DGUOK: variants seen among roughly 807,000 people sequenced by gnomAD.
DGUOK encodes deoxyguanosine kinase.
Under a neutral mutation model 36.6 loss-of-function variants are expected in DGUOK, and 30 were observed. That is an observed-to-expected ratio of 0.82 (90% CI 0.61 to 1.11). The LOEUF is 1.11. Among genes scored for constraint, DGUOK ranks in the 50% most tolerant of loss-of-function variants. DGUOK has a pLI of 0.00. For synonymous variants in DGUOK, 145 were observed against 126.3 expected (o/e 1.15, Z -0.99); for missense variants, 361 against 336.4 (o/e 1.07, Z -0.57).
chr2:73,952,225 C>A (rs935141706), intron 4 of DGUOK, among the ~76,000 whole-genome samples: 15 of 152,214 alleles, frequency 9.9e-5, no homozygotes, highest in African/African-American at 3.6e-4. Context: ...TAATAATCTT[C>A]CATGGAAAGA....
rs1335999511 is a variant in DGUOK at position 73,958,227 on chromosome 2, A to G, written c.789A>G (p.Gln263=). 2 of 1,613,606 alleles carry G rather than the reference A, an allele frequency of 1.2e-6. No individual in the cohort carries two copies. Among genetic ancestry groups the G allele is most frequent in the South Asian group, 2.2e-5 (2 of 91,046 alleles). The change falls in exon 6 of 7, where the codon CAA becomes CAG. Residue 263 remains glutamine (Q), a synonymous_variant. Transcript: ENST00000264093. Reference sequence around the variant, plus strand: ...ATTTTTCTGAGGAAGTAACCAAACAAGAAGACCTCATGAGAGAGGTGGGAA... The same window carrying G: ...ATTTTTCTGAGGAAGTAACCAAACAGGAAGACCTCATGAGAGAGGTGGGAA... ...NDDFSEEVTK[Q]EDLMREVNTF...
At chr2:73,957,796 T>C (rs908308068) in intron 5 of DGUOK, among the ~76,000 whole-genome samples, 7 of 152,238 alleles carry the variant, frequency 4.6e-5, no homozygotes, top group Admixed American at 2.0e-4. Context: ...ATGGTGATAG[T>C]TGGCTCAGCA....
intron 4 of DGUOK, among the ~76,000 whole-genome samples, chr2:73,953,287 A>ATCG (rs1230774139): frequency 3.2e-5 from 3 of 94,852 alleles, no homozygotes; most frequent in Non-Finnish European, 7.1e-5. Flanking sequence ...GATCATCATC[A>ATCG]TCATCGTCGT....
intron 1 of DGUOK, among the ~76,000 whole-genome samples, chr2:73,927,844 A>G (rs182552700): frequency 1.2e-4 from 19 of 152,378 alleles, no homozygotes; most frequent in South Asian, 1.0e-3. Flanking sequence ...CTGAGCCCCT[A>G]AAAGGGGCTT....
At chr2:73,958,289 T>C (rs370641355) in intron 6 of DGUOK, 44 bp downstream of exon 6, 36 of 1,491,644 alleles carry the variant, frequency 2.4e-5, no homozygotes, top group Non-Finnish European at 3.2e-5. Context: ...TTTCCTTTGT[T>C]GTACTTTTAT....
chr2:73,936,194 C>T (rs1014549259), intron 1 of DGUOK, among the ~76,000 whole-genome samples: 5 of 152,176 alleles, frequency 3.3e-5, no homozygotes, highest in Non-Finnish European at 5.9e-5. Flanking sequence ...ATATTTTAAG[C>T]GAGGGCTTAC....
chr2:73,940,193 G>A (rs932459275), intron 2 of DGUOK, among the ~76,000 whole-genome samples: 1 of 152,160 alleles, frequency 6.6e-6, no homozygotes, highest in Non-Finnish European at 1.5e-5. Flanking sequence ...GAGCCACCAT[G>A]CCTGGTCAAG....
rs1683331464 is a variant in DGUOK, at chr2:73,958,822, T to C, written c.*86T>C. ...GTTGTGTCTCCCAACCACCTTTCCATCCCCAGCCCCTCTCATCCCTGGAGC... is the reference window on the plus strand; with the variant it reads ...GTTGTGTCTCCCAACCACCTTTCCACCCCCAGCCCCTCTCATCCCTGGAGC... On this transcript the variant is annotated 3_prime_UTR_variant, in exon 7 of 7. Coordinates refer to ENST00000264093, the MANE Select transcript of DGUOK (RefSeq NM_080916.3). 1.7e-6 allele frequency: 2 copies of C among 1,150,706 alleles called. No homozygotes were observed. Among genetic ancestry groups the C allele is most frequent in the East Asian group, 4.7e-5 (2 of 42,810 alleles). The allele number at this position is 1,150,706 out of a possible 1,614,324, so 71.3% of individuals were successfully genotyped here.
At position 73,926,928 on chromosome 2, in the gene DGUOK, C is replaced by T. The variant is rs1054034625; in HGVS notation, c.18C>T (p.Leu6=). ...TGGGTGGGATGGCCGCGGGCCGCCT[C>T]TTTCTAAGTCGGCTTCGAGCACCCT... is the stretch of plus-strand genomic sequence containing the variant. The part of the protein sequence containing the change: MAAGR[L]FLSRLRAPFS... The change falls in exon 1 of 7, where the codon CTC becomes CTT. Residue 6 remains leucine, a synonymous_variant. Coordinates refer to ENST00000264093, the MANE Select transcript of DGUOK (RefSeq NM_080916.3). The T allele has an allele frequency of 3.5e-5, 56 of 1,613,486 alleles. No individual in the cohort carries two copies. Among genetic ancestry groups the T allele is most frequent in the Non-Finnish European group, 4.5e-5 (53 of 1,180,054 alleles).
chr2:73,946,629 T>A, intron 2 of DGUOK, 90 bp from the exon 3 acceptor site: 1 of 1,168,690 alleles, frequency 8.6e-7, no homozygotes, highest in Non-Finnish European at 1.3e-6. Flanking sequence ...TAAACCTGTT[T>A]GGGGAGGTAG....
At chr2:73,934,735 A>G (rs1681321328) in intron 1 of DGUOK, among the ~76,000 whole-genome samples, 2 of 141,358 alleles carry the variant, frequency 1.4e-5, no homozygotes, top group Admixed American at 7.1e-5. Flanking sequence ...AGCCTGGGCA[A>G]TAGAGCAAGA....
intron 1 of DGUOK, among the ~76,000 whole-genome samples, chr2:73,933,757 G>C (rs762473700): frequency 1.3e-5 from 2 of 152,094 alleles, no homozygotes; most frequent in South Asian, 2.1e-4. Flanking sequence ...ACTCAGTCTT[G>C]GGGTTGGAAT....
At chr2:73,958,571 C>T in intron 6 of DGUOK, 139 bp from the exon 7 acceptor site, 5 of 747,460 alleles carry the variant, frequency 6.7e-6, no homozygotes, top group African/African-American at 1.7e-5. Context: ...CCTGGGCTGC[C>T]CACATTTCTT....
At chr2:73,944,526 C>G (rs190503151) in intron 2 of DGUOK, among the ~76,000 whole-genome samples, 6 of 152,260 alleles carry the variant, frequency 3.9e-5, no homozygotes, top group African/African-American at 1.4e-4. Context: ...CTTTTGTTTT[C>G]TCCTGTTTCT....
Position 73,957,164 on chromosome 2 carries a change from G to A in DGUOK, c.631G>A (p.Glu211Lys). 6.2e-7 allele frequency: 1 copy of A among 1,614,154 alleles called. No homozygotes were observed. The highest frequency in any genetic ancestry group is 8.5e-7 in the Non-Finnish European group (1 of 1,180,020). The change falls in exon 5 of 7, where the codon GAG becomes AAG. Residue 211 changes from glutamate to lysine, a missense_variant. Physicochemically the swap from Glu to Lys is moderately conservative, Grantham distance 56 (BLOSUM62 1). Transcript: ENST00000264093. ...KRLYQRAREEEKGIELAYLEQ... is the reference protein window; with the variant it reads ...KRLYQRAREEKKGIELAYLEQ... ...ACTGTACCAGAGGGCCAGGGAGGAGGAGAAAGGAATTGAGCTGGCCTATCT... is the reference window on the plus strand; with the variant it reads ...ACTGTACCAGAGGGCCAGGGAGGAGAAGAAAGGAATTGAGCTGGCCTATCT...
At chr2:73,958,018 A>G (rs1005003677) in intron 5 of DGUOK, 128 bp from the exon 6 acceptor site, 3 of 728,138 alleles carry the variant, frequency 4.1e-6, no homozygotes, top group Admixed American at 2.1e-5. Flanking sequence ...TGCAGTTTAC[A>G]TGCAGTTTCT....
intron 2 of DGUOK, among the ~76,000 whole-genome samples, chr2:73,942,937 G>A (rs1407526056): frequency 3.3e-5 from 5 of 152,144 alleles, no homozygotes; most frequent in African/African-American, 7.2e-5. Flanking sequence ...TTAGCATCTA[G>A]TGAGATAAAC....
intron 2 of DGUOK, among the ~76,000 whole-genome samples, chr2:73,940,769 C>T (rs544832756): frequency 1.3e-5 from 2 of 152,320 alleles, no homozygotes; most frequent in African/African-American, 4.8e-5. Flanking sequence ...AATACAGTAG[C>T]ATGCGATACA....
chr2:73,933,454 GGA>G (rs1330374973), intron 1 of DGUOK, among the ~76,000 whole-genome samples: 1 of 152,196 alleles, frequency 6.6e-6, no homozygotes, highest in African/African-American at 2.4e-5. Context: ...AAGTGGCGCT[GGA>G]GAGAGTTCAA....
Sources: allele counts gnomAD v4.1 joint callset (sites outside exome capture counted in the v4.1 genomes callset), GRCh38; gene constraint gnomAD v4.1.1; transcripts MANE v1.5; gene names NCBI Gene and HGNC (gene_info 2026-07-23, HGNC 2026-07-21).